METTL15: variants seen among roughly 807,000 people sequenced by gnomAD.
The protein encoded by METTL15 is methyltransferase 15, mitochondrial 12S rRNA N4-cytidine, also known as 12S rRNA N(4)-cytidine methyltransferase METTL15.
Under a neutral mutation model 38.3 loss-of-function variants are expected in METTL15, and 34 were observed. The observed-to-expected ratio is 0.89, with a 90% CI of 0.68 to 1.18. METTL15 has a LOEUF of 1.18. Among genes scored for constraint, METTL15 ranks in the 50% most tolerant of loss-of-function variants. METTL15 has a pLI of 0.00. For missense variants in METTL15, 438 were observed against 498.4 expected, an observed-to-expected ratio of 0.88 and a Z score of 1.15; for synonymous variants, 162 against 170.9, an observed-to-expected ratio of 0.95 and a Z score of 0.41.
chr11:28,151,762 A>G (rs1341045666), intron 3 of METTL15, among the ~76,000 whole-genome samples: 2 of 152,022 alleles, frequency 1.3e-5, no homozygotes, highest in African/African-American at 4.8e-5. Flanking sequence ...TCATTCAATA[A>G]CAGTTTATTG....
chr11:28,367,186 G>A (rs187824364), intron 5 of METTL15, among the ~76,000 whole-genome samples: 1 of 146,462 alleles, frequency 6.8e-6, no homozygotes, highest in African/African-American at 2.5e-5. Flanking sequence ...TACTTTAGAT[G>A]TCTAGGAGCC....
chr11:28,187,236 G>T (rs1277042507), intron 3 of METTL15, among the ~76,000 whole-genome samples: 1 of 151,178 alleles, frequency 6.6e-6, no homozygotes, highest in African/African-American at 2.4e-5. Flanking sequence ...CCAGTGCTAT[G>T]GCCTTCTCTG....
At chr11:28,259,640 G>A (rs1490873324) in intron 4 of METTL15, among the ~76,000 whole-genome samples, 1 of 152,148 alleles carries the variant, frequency 6.6e-6, no homozygotes, top group Non-Finnish European at 1.5e-5. Context: ...TGCTGTAAAA[G>A]GGCAGCACTG....
At chr11:28,317,715 C>G (rs530408037) in intron 6 of METTL15, among the ~76,000 whole-genome samples, 1 of 152,304 alleles carries the variant, frequency 6.6e-6, no homozygotes, top group Admixed American at 6.5e-5. Flanking sequence ...TATCTTACTA[C>G]TTTCACATAC....
intron 4 of METTL15, among the ~76,000 whole-genome samples, chr11:28,217,186 A>G (rs1460515120): frequency 6.6e-6 from 1 of 152,090 alleles, no homozygotes; most frequent in East Asian, 1.9e-4. Flanking sequence ...CAACAGTGTA[A>G]AAGTGTTCCT....
At chr11:28,530,871 T>G (rs1008479371), downstream of METTL15, among the ~76,000 whole-genome samples, 2 of 152,054 alleles carry the variant, frequency 1.3e-5, no homozygotes, top group Non-Finnish European at 2.9e-5. Context: ...AAACTTAATA[T>G]GTCTCTCTTA....
intron 4 of METTL15, among the ~76,000 whole-genome samples, chr11:28,263,868 T>C (rs1216274827): frequency 1.3e-5 from 2 of 152,114 alleles, no homozygotes; most frequent in East Asian, 1.9e-4. Context: ...TTCTGTCATA[T>C]ATTGCCCTTT....
rs1590379693 is a variant in METTL15, at chr11:28,452,498, A to C, written c.*424+28134A>C. On this transcript the variant is annotated intron_variant and NMD_transcript_variant, in intron 6 of 7. Transcript: ENST00000532947. Reference sequence around the variant, plus strand: ...AGAAACAATGCTGTATGTGATACATAACAGGGTATAAACATTAAGTAAGAT... The same window carrying C: ...AGAAACAATGCTGTATGTGATACATCACAGGGTATAAACATTAAGTAAGAT... Among the ~76,000 whole-genome samples, 5 of 152,356 alleles carry C rather than the reference A, an allele frequency of 3.3e-5. No homozygotes were observed. The South Asian group carries it at 1.0e-3, about 32-fold the overall frequency.
chr11:28,147,209 C>G (rs1416945590), intron 3 of METTL15, among the ~76,000 whole-genome samples: 2 of 151,790 alleles, frequency 1.3e-5, no homozygotes, highest in Admixed American at 1.3e-4. Context: ...TACCTATAAT[C>G]AAATGTGAAT....
chr11:28,275,109 A>G (rs1350915273), intron 4 of METTL15, among the ~76,000 whole-genome samples: 2 of 151,690 alleles, frequency 1.3e-5, no homozygotes, highest in Non-Finnish European at 3.0e-5. Flanking sequence ...AAGAAAATAT[A>G]TAAAAAGATC....
intron 5 of METTL15, among the ~76,000 whole-genome samples, chr11:28,367,221 G>C (rs1386728275): frequency 6.8e-6 from 1 of 148,086 alleles, no homozygotes; most frequent in African/African-American, 2.5e-5. Context: ...AAAAAGGAGA[G>C]CTAGGCAGCT....
At chr11:28,134,842 A>G (rs761067601) in intron 3 of METTL15, among the ~76,000 whole-genome samples, 4 of 152,230 alleles carry the variant, frequency 2.6e-5, no homozygotes, top group East Asian at 3.9e-4. Flanking sequence ...GTAGCTAGCT[A>G]TAGTTACTAT....
rs1174352536 is a variant in METTL15, at chr11:28,195,158, CAT to C, written c.271-15901_271-15900del. ...CAATTGCGAATTGTACTGCAATAAA[CAT>C]ATGCATGTAGGTATCCTTTTTGCGG... is the stretch of plus-strand genomic sequence containing the variant. On this transcript the variant is annotated intron_variant, in intron 3 of 6. Transcript: ENST00000407364. Among the ~76,000 whole-genome samples, 4 of 152,132 alleles carry C rather than the reference CAT, an allele frequency of 2.6e-5. No individual in the cohort carries two copies. The East Asian group carries it at 7.7e-4, about 29-fold the overall frequency.
rs1849811597 is a variant in METTL15 at position 28,331,395 on chromosome 11, T to C, written c.*554T>C. ...TACTGATAAAATTTCATCTTTCAAA[T>C]TATAGTCTATTATTTTAAAGGGATT... On this transcript the variant is annotated 3_prime_UTR_variant, in exon 7 of 7. Coordinates refer to ENST00000407364, the MANE Select transcript of METTL15 (RefSeq NM_001113528.2). 6.6e-6 allele frequency: 1 copy of C among 151,198 alleles called. No individual in the cohort carries two copies. The highest frequency in any genetic ancestry group is 2.1e-4 in the South Asian group (1 of 4,806). 9.4% of individuals were successfully genotyped at this position (151,198 alleles called of 1,614,324 possible).
chr11:28,459,816 G>A (rs528672254), intron 6 of METTL15, among the ~76,000 whole-genome samples: 2 of 152,160 alleles, frequency 1.3e-5, no homozygotes, highest in African/African-American at 4.8e-5. Context: ...TTTGTCCCTT[G>A]TCATTTATTG....
At chr11:28,498,045 C>CT (rs1232119436) in intron 6 of METTL15, among the ~76,000 whole-genome samples, 1 of 44,426 alleles carries the variant, frequency 2.3e-5, no homozygotes, top group Non-Finnish European at 4.2e-5. Context: ...CAGAGAGAGA[C>CT]TGTTTCAAAA....
rs1476465875 is a variant in METTL15, at chr11:28,330,550, A to G, written c.933A>G (p.Arg311=). 6 of 1,551,554 alleles carry G rather than the reference A, an allele frequency of 3.9e-6. No homozygotes were observed. The highest frequency in any genetic ancestry group is 5.2e-6 in the Non-Finnish European group (6 of 1,146,978). The change falls in exon 7 of 7, where the codon AGA becomes AGG. Residue 311 remains arginine (R), a synonymous_variant. Coordinates refer to ENST00000407364, the MANE Select transcript of METTL15 (RefSeq NM_001113528.2). ...TGLKTAQKFL[R]PGGRLVALSF... is the part of the protein sequence containing the mutation. The stretch of plus-strand genomic sequence containing the variant: ...TGAAGACAGCTCAGAAGTTTCTGAG[A>G]CCTGGTGGTCGTCTTGTTGCCCTCT...
chr11:28,273,737 A>C (rs1317477466), intron 4 of METTL15, among the ~76,000 whole-genome samples: 2 of 152,124 alleles, frequency 1.3e-5, no homozygotes, highest in Non-Finnish European at 2.9e-5. Context: ...AATGGACTAA[A>C]GATATGAATT....
At chr11:28,310,838 C>T (rs1857250204) in intron 6 of METTL15, among the ~76,000 whole-genome samples, 1 of 151,214 alleles carries the variant, frequency 6.6e-6, no homozygotes, top group African/African-American at 2.4e-5. Context: ...CTTTCCGTCT[C>T]CACCAGTTGA....
Sources: allele counts gnomAD v4.1 joint callset (sites outside exome capture counted in the v4.1 genomes callset), GRCh38; gene constraint gnomAD v4.1.1; transcripts MANE v1.5; gene names NCBI Gene and HGNC (gene_info 2026-07-23, HGNC 2026-07-21).